Variants in SH2D5 observed in about 807,000 individuals in gnomAD.
SH2D5 encodes the protein SH2 domain containing 5, also known as SH2 domain-containing protein 5.
In SH2D5, 45 loss-of-function variants were observed where a neutral mutation model predicts 48.2. The ratio of observed to expected loss-of-function variants is 0.93; its 90% confidence interval spans 0.73 to 1.20. The LOEUF (loss-of-function observed/expected upper bound fraction) is 1.20, where lower values mean the gene tolerates loss of function less well. SH2D5 is among the 50% of genes most tolerant of loss of function. The pLI, the probability that SH2D5 is intolerant of heterozygous loss-of-function variation, is 0.00. For synonymous variants in SH2D5, 230 were observed against 249.8 expected (o/e 0.92, Z 0.75); for missense variants, 538 against 584.1 (o/e 0.92, Z 0.81).
chr1:20,725,833 G>C, intron 5 of SH2D5, 87 bp downstream of exon 5: 1 of 1,537,762 alleles, frequency 6.5e-7, no homozygotes, highest in Non-Finnish European at 8.8e-7. Context: ...AGGCCGCCCT[G>C]GCAAAGCCCT....
At chr1:20,726,489 C>G (rs1025530793) in intron 4 of SH2D5, among the ~76,000 whole-genome samples, 1 of 152,010 alleles carries the variant, frequency 6.6e-6, no homozygotes, top group Non-Finnish European at 1.5e-5. Flanking sequence ...CCCAGGGCCC[C>G]GCAATGCCCA....
chr1:20,721,764 G>C lies in SH2D5; in HGVS notation c.*28C>G. On this transcript the variant is annotated 3_prime_UTR_variant, in exon 10 of 10. Coordinates refer to ENST00000444387, the MANE Select transcript of SH2D5 (RefSeq NM_001103161.2). Reference sequence around the variant, plus strand: ...TGGGGCCCAGGAGCCGGGGTGAGGCGGGGCCTGTGGGACCGGGGCCCTACC... The same window carrying C: ...TGGGGCCCAGGAGCCGGGGTGAGGCCGGGCCTGTGGGACCGGGGCCCTACC... 6.7e-7 allele frequency: 1 copy of C among 1,487,710 alleles called. No homozygotes were observed. The highest frequency in any genetic ancestry group is 9.0e-7 in the Non-Finnish European group (1 of 1,112,378). 92.2% of individuals were successfully genotyped at this position (1,487,710 alleles called of 1,614,324 possible).
intron 5 of SH2D5, among the ~76,000 whole-genome samples, chr1:20,725,604 G>T (rs2054779001): frequency 6.6e-6 from 1 of 152,246 alleles, no homozygotes; most frequent in Non-Finnish European, 1.5e-5. Context: ...CTTGAAGAGT[G>T]AGTGGAATGT....
rs551789494 is a variant in SH2D5, at chr1:20,729,028, C to G, written c.-42-942G>C. On this transcript the variant is annotated intron_variant, in intron 1 of 9. Coordinates refer to ENST00000444387, the MANE Select transcript of SH2D5 (RefSeq NM_001103161.2). The surrounding 1 kb of genome is among the most constrained non-coding windows in gnomAD (Gnocchi z 4.2). The stretch of plus-strand genomic sequence containing the variant: ...GCCCTGGGGGCTGAGGACCACCCCC[C>G]ACCGTCCAGCCCAGCCAGGTTCTGG... Among the ~76,000 whole-genome samples the G allele has an allele frequency of 6.6e-6, 1 of 152,194 alleles. No homozygotes were observed. Among genetic ancestry groups the G allele is most frequent in the Non-Finnish European group, 1.5e-5 (1 of 68,032 alleles).
rs376977039 is a variant in SH2D5 at position 20,724,633 on chromosome 1, G to C, written c.393C>G (p.Val131=). The C allele has an allele frequency of 3.5e-5, 54 of 1,561,836 alleles. No homozygotes were observed. The highest frequency in any genetic ancestry group is 4.7e-5 in the Non-Finnish European group (54 of 1,155,552). The change falls in exon 6 of 10, where the codon GTC becomes GTG. Residue 131 remains valine, a splice_region_variant and synonymous_variant. Transcript: ENST00000444387. ...GGCACAGCAGCAGGTGCAGGATCTG[G>C]ACCTGGGAGGGAGGGAGAGAGGTGG... ...HLFVGSQPGE[V]QILHLLLCRS...
Position 20,725,915 on chromosome 1 carries a change from GATACCTCTCCT to G in SH2D5, c.384_390+4del. ...TGGCGGTCCCCTGCCTCAAGCCCCA[GATACCTCTCCT>G]GGCTGGCTGCCCACAAAGAGGTGGC... On this transcript the variant is annotated splice_donor_variant and splice_donor_region_variant and coding_sequence_variant and intron_variant, in exon 5 of 10. Transcript: ENST00000444387. LOFTEE classifies it high-confidence loss of function. 1 of 1,612,984 alleles carries G rather than the reference GATACCTCTCCT, an allele frequency of 6.2e-7. No homozygotes were observed. The highest frequency in any genetic ancestry group is 8.5e-7 in the Non-Finnish European group (1 of 1,179,858).
At position 20,721,552 on chromosome 1, in the gene SH2D5, G is replaced by A. The variant is rs555747047; in HGVS notation, c.*240C>T. On this transcript the variant is annotated 3_prime_UTR_variant, in exon 10 of 10. Coordinates refer to ENST00000444387, the MANE Select transcript of SH2D5 (RefSeq NM_001103161.2). ...TCCGAAGCCACCCAAAGGGTTATCC[G>A]AAGCCTGCAACTCCACCTGCCCTCC... 4.7e-5 allele frequency: 22 copies of A among 467,550 alleles called. No homozygotes were observed. Among genetic ancestry groups the A allele is most frequent in the Admixed American group, 1.1e-4 (3 of 27,216 alleles). 29.0% of individuals were successfully genotyped at this position (467,550 alleles called of 1,614,324 possible). A position where few individuals can be genotyped will look rare whatever the true frequency, so the allele number is the denominator to read the frequency against.
intron 4 of SH2D5, 124 bp downstream of exon 4, chr1:20,726,877 G>C: frequency 1.3e-6 from 1 of 758,148 alleles, no homozygotes; most frequent in East Asian, 3.2e-5. Context: ...TGGCGCGCCA[G>C]GGGGACCCCA....
Position 20,726,002 on chromosome 1 carries a change from T to C in SH2D5, c.308A>G (p.Gln103Arg). The C allele has an allele frequency of 6.2e-7, 1 of 1,613,164 alleles. No individual in the cohort carries two copies. The highest frequency in any genetic ancestry group is 8.5e-7 in the Non-Finnish European group (1 of 1,179,868). The change falls in exon 5 of 10, where the codon CAG becomes CGG. Residue 103 changes from glutamine (Q) to arginine (R), a missense_variant. Gln to Arg is a conservative substitution (Grantham distance 43). Coordinates refer to ENST00000444387, the MANE Select transcript of SH2D5 (RefSeq NM_001103161.2). The stretch of plus-strand genomic sequence containing the variant: ...TGGGTTTCGAGCCATGAAGGCAAAC[T>C]GGCAGTCGGCAGGGCACCAGGTGGA... ...LYSTWCPADCQFAFMARNPRS... is the reference protein window; with the variant it reads ...LYSTWCPADCRFAFMARNPRS...
rs1290155571 is a variant in SH2D5, at chr1:20,724,468, A to G, written c.558T>C (p.Asp186=). ...GGGCATGGACGTTCTGAGAGAGCTGATCACGGCCGAAGGGCTCCCGCACCA... is the reference window on the plus strand; with the variant it reads ...GGGCATGGACGTTCTGAGAGAGCTGGTCACGGCCGAAGGGCTCCCGCACCA... ...GGLVREPFGR[D]QLSQNVHALV... is the part of the protein sequence containing the mutation. The change falls in exon 6 of 10, where the codon GAT becomes GAC. Residue 186 remains aspartate (D), a synonymous_variant. Transcript: ENST00000444387. 6.2e-7 allele frequency: 1 copy of G among 1,612,878 alleles called. No individual in the cohort carries two copies. Among genetic ancestry groups the G allele is most frequent in the South Asian group, 1.1e-5 (1 of 91,074 alleles).
At position 20,728,957 on chromosome 1, in the gene SH2D5, C is replaced by T. The variant is rs1044202246; in HGVS notation, c.-42-871G>A. On this transcript the variant is annotated intron_variant, in intron 1 of 9. Transcript: ENST00000444387. The surrounding 1 kb of genome is among the most constrained non-coding windows in gnomAD (Gnocchi z 4.3). ...CAGATCATGAAAACCAGAACTCAGT[C>T]AGACAGTGCGCTGATGCAGACAGGA... Among the ~76,000 whole-genome samples the T allele has an allele frequency of 1.3e-5, 2 of 151,920 alleles. No homozygotes were observed. The highest frequency in any genetic ancestry group is 4.8e-5 in the African/African-American group (2 of 41,360).
rs763212352 is a variant in SH2D5, at chr1:20,722,843, G to A, written c.981C>T (p.Ser327=). 9.3e-6 allele frequency: 15 copies of A among 1,604,300 alleles called. No individual in the cohort carries two copies. Among genetic ancestry groups the A allele is most frequent in the South Asian group, 2.2e-5 (2 of 89,694 alleles). ...AFLLWPELGA[S]GQWCLSVRTQ... is the part of the protein sequence containing the mutation. Reference sequence around the variant, plus strand: ...TGCGCACGGACAGACACCACTGGCCGCTAGCACCCAGCTCAGGCCACAGCA... The same window carrying A: ...TGCGCACGGACAGACACCACTGGCCACTAGCACCCAGCTCAGGCCACAGCA... The change falls in exon 9 of 10, where the codon AGC becomes AGT. Residue 327 remains serine, a synonymous_variant. Coordinates refer to ENST00000444387, the MANE Select transcript of SH2D5 (RefSeq NM_001103161.2).
chr1:20,722,311 C>T (rs1305451071), intron 9 of SH2D5, among the ~76,000 whole-genome samples: 2 of 152,206 alleles, frequency 1.3e-5, no homozygotes, highest in Non-Finnish European at 2.9e-5. Flanking sequence ...CACCCCCTGC[C>T]CTCTCTGAGT....
rs777343885 is a variant in SH2D5 at position 20,727,024 on chromosome 1, T to G, written c.220A>C (p.Lys74Gln). The G allele has an allele frequency of 6.2e-7, 1 of 1,611,586 alleles. No individual in the cohort carries two copies. The highest frequency in any genetic ancestry group is 1.1e-5 in the South Asian group (1 of 90,436). The change falls in exon 4 of 10, where the codon AAG (lysine) becomes CAG (glutamine). Residue 74 changes from lysine (K) to glutamine (Q), a missense_variant. By Grantham distance (53) the Lys-to-Gln change is moderately conservative (BLOSUM62 1). Transcript: ENST00000444387. ...ACCTCACCCTCCCCGCTGTAGATCT[T>G]GAGACCCTGAAGGCTGAATTTCAGG... is the stretch of plus-strand genomic sequence containing the variant. ...VILKFSLQGL[K>Q]IYSGEGEVLL...
intron 4 of SH2D5, among the ~76,000 whole-genome samples, chr1:20,726,632 G>A (rs756656778): frequency 2.6e-5 from 4 of 152,148 alleles, no homozygotes; most frequent in Non-Finnish European, 5.9e-5. Flanking sequence ...GGGCAGGGAG[G>A]AGGAGCAGTG....
In SH2D5 at chr1:20,724,226, C is replaced by T. The variant is rs41265079; in HGVS notation, c.656G>A (p.Arg219His). 2,889 of 1,612,762 alleles carry T rather than the reference C, an allele frequency of 1.8e-3. 11 individuals carry two copies. Among genetic ancestry groups the T allele is most frequent in the Middle Eastern group, 5.0e-3 (30 of 6,060 alleles). Residue 219 changes from arginine to histidine, a missense_variant, in exon 7 of 10, where the codon CGT becomes CAT. Physicochemically the swap from Arg to His is conservative, Grantham distance 29. Coordinates refer to ENST00000444387, the MANE Select transcript of SH2D5 (RefSeq NM_001103161.2). ...SGKELPESEG[R>H]ARHARLGNPY... ...ATTCCCCAGGCGGGCATGGCGGGCA[C>T]GGCCTTCCGACTCTGGCAGCTCCTT... is the stretch of plus-strand genomic sequence containing the variant.
rs571598422 is a variant in SH2D5 at position 20,729,002 on chromosome 1, T to A, written c.-42-916A>T. Among the ~76,000 whole-genome samples the A allele has an allele frequency of 4.6e-5, 7 of 151,598 alleles. No homozygotes were observed. In the South Asian group the frequency reaches 1.5e-3, roughly 32 times the overall value. On this transcript the variant is annotated intron_variant, in intron 1 of 9. Coordinates refer to ENST00000444387, the MANE Select transcript of SH2D5 (RefSeq NM_001103161.2). This position sits in a 1 kb window ranked among gnomAD's most constrained non-coding sequence, Gnocchi z 4.2. ...ACAGGATGTGGGGAAGGAGGACAAC[T>A]GCCCTGGGGGCTGAGGACCACCCCC...
At chr1:20,725,797 G>T in intron 5 of SH2D5, 123 bp downstream of exon 5, 1 of 1,194,830 alleles carries the variant, frequency 8.4e-7, no homozygotes, top group Non-Finnish European at 1.2e-6. Context: ...CCAATGTGGT[G>T]AGGGGTGCAT....
chr1:20,725,697 G>A (rs61778526), intron 5 of SH2D5, among the ~76,000 whole-genome samples: 11 of 152,224 alleles, frequency 7.2e-5, no homozygotes, highest in African/African-American at 1.9e-4. Context: ...CTCTAAGCGC[G>A]TGGCCAGATT....
Sources: allele counts gnomAD v4.1 joint callset (sites outside exome capture counted in the v4.1 genomes callset), GRCh38; gene constraint gnomAD v4.1.1; non-coding constraint Gnocchi (gnomAD v3.1); transcripts MANE v1.5; gene names NCBI Gene and HGNC (gene_info 2026-07-23, HGNC 2026-07-21).